The following WRN variants were observed in gnomAD, a reference collection of about 807,000 sequenced individuals.
The protein encoded by WRN is WRN RecQ like helicase.
In WRN, 149 loss-of-function variants were observed where a neutral mutation model predicts 180.7. The observed-to-expected ratio is 0.82, with a 90% confidence interval of 0.72 to 0.94. The LOEUF (loss-of-function observed/expected upper bound fraction) is 0.94, where lower values mean the gene tolerates loss of function less well. Ranked by LOEUF, WRN falls within the 40% of genes least tolerant of loss-of-function variation. The pLI is 0.00. For synonymous variants in WRN, 548 were observed against 568.9 expected (o/e 0.96, Z 0.52); for missense variants, 1,661 against 1,700.1 (o/e 0.98, Z 0.40).
chr8:31,119,202 T>G (rs1259500369), intron 20 of WRN, among the ~76,000 whole-genome samples: 2 of 151,890 alleles, frequency 1.3e-5, no homozygotes, highest in African/African-American at 2.4e-5. Flanking sequence ...TCTTTTCTCT[T>G]CCTTTCGTAT....
At position 31,141,709 on chromosome 8, in the gene WRN, C is replaced by T. The variant is rs2130417236; in HGVS notation, c.3167C>T (p.Thr1056Ile). The change falls in exon 26 of 35, where the codon ACA (threonine) becomes ATA (isoleucine). Residue 1056 changes from threonine (T) to isoleucine (I), a missense_variant. Around this residue, in one of 3 missense-constraint regions of WRN, gnomAD observed 1,141 missense variants for 1,149.4 expected, o/e 0.99. Coordinates refer to ENST00000298139, the MANE Select transcript of WRN (RefSeq NM_000553.6). Reference protein sequence around the residue: ...KGRNWLHKANTESQSLILQAN... With the variant: ...KGRNWLHKANIESQSLILQAN... ...AGAAATTGGCTTCATAAAGCTAATACAGAATCTCAGAGCCTCATCCTTCAA... is the reference window on the plus strand; with the variant it reads ...AGAAATTGGCTTCATAAAGCTAATATAGAATCTCAGAGCCTCATCCTTCAA... 6.2e-7 allele frequency: 1 copy of T among 1,614,160 alleles called. No homozygotes were observed. The highest frequency in any genetic ancestry group is 8.5e-7 in the Non-Finnish European group (1 of 1,180,018).
chr8:31,141,070 T>C (rs1802605395), intron 24 of WRN, among the ~76,000 whole-genome samples: 1 of 152,178 alleles, frequency 6.6e-6, no homozygotes. Context: ...CTCATGGTTC[T>C]AGTCTCGAGC....
At chr8:31,072,014 G>C (rs907119063) in intron 7 of WRN, among the ~76,000 whole-genome samples, 6 of 152,208 alleles carry the variant, frequency 3.9e-5, no homozygotes, top group Non-Finnish European at 8.8e-5. Context: ...AGACAGCAAA[G>C]TGGAGGTGGT....
At chr8:31,144,793 G>C (rs898723930) in intron 28 of WRN, among the ~76,000 whole-genome samples, 7 of 152,236 alleles carry the variant, frequency 4.6e-5, no homozygotes, top group African/African-American at 1.4e-4. Context: ...AAAGGCAAAA[G>C]TTCCTGAAGG....
At chr8:31,042,557 C>G (rs1018311225) in intron 1 of WRN, among the ~76,000 whole-genome samples, 2 of 152,178 alleles carry the variant, frequency 1.3e-5, no homozygotes, top group African/African-American at 4.8e-5. Flanking sequence ...TAGTAGGTGC[C>G]TTAAAGCACC....
At chr8:31,113,419 C>T (rs1014150589) in intron 19 of WRN, among the ~76,000 whole-genome samples, 2 of 152,048 alleles carry the variant, frequency 1.3e-5, no homozygotes, top group Non-Finnish European at 1.5e-5. Flanking sequence ...AAGAATGGAT[C>T]GAATATATTC....
chr8:31,101,715 A>G (rs539105719), intron 18 of WRN, among the ~76,000 whole-genome samples: 2 of 131,716 alleles, frequency 1.5e-5, no homozygotes, highest in Non-Finnish European at 3.1e-5. Flanking sequence ...TGAACTCGGG[A>G]GGTGGAGGTT....
Position 31,175,158 on chromosome 8 carries a change from C to T in WRN, c.*2056C>T, listed in dbSNP as rs149194444. 9.5e-3 allele frequency among the ~76,000 whole-genome samples: 1,446 copies of T among 151,750 alleles called. 17 individuals are homozygous for T. Among genetic ancestry groups the T allele is most frequent in the African/African-American group, 0.033 (1,368 of 41,384 alleles). ...GATGTTAAGAAATCATGACTGAGGCCGGGCGCGGTGGCTCACGCCTGTAAT... is the reference window on the plus strand; with the variant it reads ...GATGTTAAGAAATCATGACTGAGGCTGGGCGCGGTGGCTCACGCCTGTAAT... On this transcript the variant is annotated 3_prime_UTR_variant, in exon 35 of 35. Coordinates refer to ENST00000298139, the MANE Select transcript of WRN (RefSeq NM_000553.6).
At position 31,084,833 on chromosome 8, in the gene WRN, T is replaced by C. The variant is rs551282311; in HGVS notation, c.1351-333T>C. Among the ~76,000 whole-genome samples the C allele has an allele frequency of 2.6e-5, 4 of 152,318 alleles. No individual in the cohort carries two copies. The South Asian group carries it at 8.3e-4, about 32-fold the overall frequency. ...TTTTCAACATTGTGAAGAGTTCTTA[T>C]ACTCAAAAAGTTTGGGAGACACAGT... On this transcript the variant is annotated intron_variant, in intron 10 of 34. Transcript: ENST00000298139.
intron 27 of WRN, 58 bp downstream of exon 27, chr8:31,142,759 T>TTAAAATA: frequency 7.1e-7 from 1 of 1,416,222 alleles, no homozygotes; most frequent in Non-Finnish European, 9.7e-7. Flanking sequence ...CAAATTCTGT[T>TTAAAATA]TAAAATTTTA....
chr8:31,066,922 A>G lies in WRN; in HGVS notation c.505-111A>G, dbSNP rs1812727994. ...TTGTTGAAGGCTATCTGTGGGTTGT[A>G]TTTTGGTATAACATTTCCTAATTTT... On this transcript the variant is annotated intron_variant, in intron 5 of 34. Transcript: ENST00000298139. 3.0e-6 allele frequency: 4 copies of G among 1,348,040 alleles called. No homozygotes were observed. The African/African-American group carries it at 4.3e-5, about 14-fold the overall frequency. 83.5% of individuals were successfully genotyped at this position (1,348,040 alleles called of 1,614,324 possible). A position where few individuals can be genotyped will look rare whatever the true frequency, so the allele number is the denominator to read the frequency against.
intron 32 of WRN, 81 bp downstream of exon 32, chr8:31,154,836 C>A (rs1803316235): frequency 5.2e-6 from 8 of 1,545,872 alleles, no homozygotes. Flanking sequence ...TATTAAAGTT[C>A]TGACTTGGGA....
chr8:31,113,719 GTCCTCTTATAA>G (rs1455528697), intron 19 of WRN, among the ~76,000 whole-genome samples: 4 of 151,994 alleles, frequency 2.6e-5, no homozygotes, highest in East Asian at 1.9e-4. Context: ...TGACGTCCTG[GTCCTCTTATAA>G]TCCTATGCAA....
intron 33 of WRN, among the ~76,000 whole-genome samples, chr8:31,164,053 G>C (rs1803749936): frequency 6.6e-6 from 1 of 152,060 alleles, no homozygotes; most frequent in Non-Finnish European, 1.5e-5. Context: ...GCCCAGGCTA[G>C]TCTTGAACCC....
chr8:31,072,236 T>A (rs1458784171), intron 7 of WRN, among the ~76,000 whole-genome samples: 2 of 152,224 alleles, frequency 1.3e-5, no homozygotes, highest in South Asian at 2.1e-4. Context: ...ATCAACTGTT[T>A]TAAATTCTGC....
At chr8:31,122,706 A>G (rs1177418660) in intron 21 of WRN, among the ~76,000 whole-genome samples, 1 of 151,942 alleles carries the variant, frequency 6.6e-6, no homozygotes, top group Non-Finnish European at 1.5e-5. Flanking sequence ...GTCCCAAAAG[A>G]AAAATAAATA....
intron 33 of WRN, among the ~76,000 whole-genome samples, chr8:31,162,000 T>G (rs547400420): frequency 8.5e-5 from 13 of 152,214 alleles, no homozygotes; most frequent in African/African-American, 3.1e-4. Context: ...ATAAACCCTG[T>G]GCACTTAGGC....
chr8:31,144,524 A>T (rs953915455), intron 28 of WRN, among the ~76,000 whole-genome samples: 1 of 151,940 alleles, frequency 6.6e-6, no homozygotes, highest in African/African-American at 2.4e-5. Context: ...TTTAGTAGAG[A>T]TGGGTTTTTG....
chr8:31,062,124 A>T (rs1812509018), intron 3 of WRN, among the ~76,000 whole-genome samples: 1 of 151,986 alleles, frequency 6.6e-6, no homozygotes, highest in African/African-American at 2.4e-5. Context: ...TTCACCCTTC[A>T]TTTCCCTTCC....
Sources: allele counts gnomAD v4.1 joint callset (sites outside exome capture counted in the v4.1 genomes callset), GRCh38; gene constraint gnomAD v4.1.1; regional missense constraint gnomAD v4.1.1; transcripts MANE v1.5; gene names NCBI Gene and HGNC (gene_info 2026-07-23, HGNC 2026-07-21).